SMC5: variants seen among roughly 807,000 people sequenced by gnomAD.
SMC5 encodes structural maintenance of chromosomes 5, also known as structural maintenance of chromosomes protein 5.
In SMC5, 88 loss-of-function variants were observed where a neutral mutation model predicts 148.3. The ratio of observed to expected loss-of-function variants is 0.59; its 90% CI spans 0.50 to 0.71. The LOEUF is 0.71. Ranked by LOEUF, SMC5 falls within the 30% of genes least tolerant of loss-of-function variation. SMC5 has a pLI of 0.00. For synonymous variants in SMC5, 421 were observed against 432.8 expected, an observed-to-expected ratio of 0.97 and a Z score of 0.34; for missense variants, 1,142 against 1,298.9, an observed-to-expected ratio of 0.88 and a Z score of 1.86.
intron 17 of SMC5, among the ~76,000 whole-genome samples, chr9:70,343,006 C>G (rs905723342): frequency 6.6e-6 from 1 of 152,170 alleles, no homozygotes; most frequent in African/African-American, 2.4e-5. Flanking sequence ...TACATACATA[C>G]TCTGTCCAAT....
In SMC5 at chr9:70,329,115, T is replaced by A. The variant is rs12237610; in HGVS notation, c.2397+4972T>A. On this transcript the variant is annotated intron_variant, in intron 17 of 24. Coordinates refer to ENST00000361138, the MANE Select transcript of SMC5 (RefSeq NM_015110.4). ...GTTTTCCCTCCTAGATCGCCAGGCC[T>A]GTGATGGGAGGGGCTGCTTCTGACA... Among the ~76,000 whole-genome samples, 120 of 152,340 alleles carry A rather than the reference T, an allele frequency of 7.9e-4. No individual in the cohort carries two copies. In the East Asian group the frequency reaches 0.022, roughly 28 times the overall value.
At chr9:70,277,025 T>C (rs779255521) in intron 3 of SMC5, among the ~76,000 whole-genome samples, 2 of 152,206 alleles carry the variant, frequency 1.3e-5, no homozygotes, top group Non-Finnish European at 2.9e-5. Flanking sequence ...ACTCCAGCTA[T>C]GTGACTCCTC....
intron 11 of SMC5, among the ~76,000 whole-genome samples, chr9:70,306,034 T>C (rs1310038520): frequency 1.3e-5 from 2 of 152,242 alleles, no homozygotes; most frequent in Non-Finnish European, 2.9e-5. Context: ...AAGGTACTTA[T>C]AGCAGTACTT....
intron 3 of SMC5, among the ~76,000 whole-genome samples, chr9:70,270,642 A>ATTTT (rs71364589): frequency 2.1e-4 from 22 of 103,788 alleles, no homozygotes; most frequent in East Asian, 6.0e-4. Context: ...AGACTAAATA[A>ATTTT]TTTTTTTTTT....
chr9:70,304,219 G>A (rs1383102327), intron 10 of SMC5, among the ~76,000 whole-genome samples: 1 of 152,088 alleles, frequency 6.6e-6, no homozygotes, highest in African/African-American at 2.4e-5. Context: ...CTCCCAGGTA[G>A]AGCCATCACA....
At chr9:70,341,991 A>G (rs550074589) in intron 17 of SMC5, among the ~76,000 whole-genome samples, 3 of 149,516 alleles carry the variant, frequency 2.0e-5, no homozygotes, top group East Asian at 2.0e-4. Context: ...AACCAACCCA[A>G]ATGTCCAACA....
intron 17 of SMC5, among the ~76,000 whole-genome samples, chr9:70,333,684 T>A (rs560491416): frequency 1.3e-5 from 2 of 152,202 alleles, no homozygotes; most frequent in African/African-American, 4.8e-5. Flanking sequence ...TGAGCCGAGA[T>A]CATGTCACTG....
At chr9:70,282,735 C>G in intron 7 of SMC5, 152 bp downstream of exon 7, 1 of 729,092 alleles carries the variant, frequency 1.4e-6, no homozygotes, top group Non-Finnish European at 2.1e-6. Context: ...ATAGGATTTT[C>G]AAGGACATAC....
In SMC5 at chr9:70,347,626, A is replaced by G. The variant is rs140830744; in HGVS notation, c.2678A>G (p.Tyr893Cys). 1.0e-5 allele frequency: 16 copies of G among 1,561,206 alleles called. No individual in the cohort carries two copies. Among genetic ancestry groups the G allele is most frequent in the African/African-American group, 1.4e-5 (1 of 72,172 alleles). ...TGLNPTIVQE[Y>C]TKREEEIEQL... Reference sequence around the variant, plus strand: ...TTCCCCTGCCAGATTGTTCAGGAATATACAAAAAGAGAAGAAGAAATAGAA... The same window carrying G: ...TTCCCCTGCCAGATTGTTCAGGAATGTACAAAAAGAGAAGAAGAAATAGAA... Residue 893 changes from tyrosine (Y) to cysteine (C), a missense_variant, in exon 21 of 25, where the codon TAT (tyrosine) becomes TGT (cysteine). Coordinates refer to ENST00000361138, the MANE Select transcript of SMC5 (RefSeq NM_015110.4).
chr9:70,276,931 C>T (rs1306205779), intron 3 of SMC5, among the ~76,000 whole-genome samples: 1 of 152,110 alleles, frequency 6.6e-6, no homozygotes, highest in Non-Finnish European at 1.5e-5. Flanking sequence ...GGTTTAACTG[C>T]TCTACCCTTT....
chr9:70,260,337 C>T (rs1351235930), intron 1 of SMC5, among the ~76,000 whole-genome samples: 4 of 152,238 alleles, frequency 2.6e-5, no homozygotes, highest in African/African-American at 7.2e-5. Flanking sequence ...GAACTTTTGA[C>T]CTCAGGTGAT....
In SMC5 at chr9:70,354,801, G is replaced by A. The variant is rs1458247159; in HGVS notation, c.*2470G>A. ...ATGTAATTTCATTCTGCTATTGTGT[G>A]TGCTTGTGTGTGTGTAATTGAAAAA... On this transcript the variant is annotated 3_prime_UTR_variant, in exon 25 of 25. Transcript: ENST00000361138. 1 of 152,184 alleles carries A rather than the reference G, an allele frequency of 6.6e-6. No individual in the cohort carries two copies. Among genetic ancestry groups the A allele is most frequent in the African/African-American group, 2.4e-5 (1 of 41,442 alleles). The allele number at this position is 152,184 out of a possible 1,614,324, so 9.4% of individuals were successfully genotyped here.
At position 70,263,300 on chromosome 9, in the gene SMC5, G is replaced by T. The variant is rs534940270; in HGVS notation, c.186-1004G>T. Among the ~76,000 whole-genome samples, 9 of 152,262 alleles carry T rather than the reference G, an allele frequency of 5.9e-5. No homozygotes were observed. The South Asian group carries it at 1.9e-3, about 32-fold the overall frequency. ...ATAAAGTAGTAGATGCTGTGTAGAG[G>T]TGTGGGATTAGCAAACCTGCCAGAA... On this transcript the variant is annotated intron_variant, in intron 1 of 24. Transcript: ENST00000361138.
Position 70,305,339 on chromosome 9 carries a change from T to TA in SMC5, c.1558dup (p.Met520AsnfsTer10). On this transcript the variant is annotated frameshift_variant, in exon 11 of 25. Coordinates refer to ENST00000361138, the MANE Select transcript of SMC5 (RefSeq NM_015110.4). LOFTEE classifies it high-confidence loss of function. The stretch of plus-strand genomic sequence containing the variant: ...CCTTTGTATTTGAAAGTCAAGAAGA[T>TA]ATGGAGGTTTTCCTCAAAGAGGCAA... 1 of 1,597,686 alleles carries TA rather than the reference T, an allele frequency of 6.3e-7. No homozygotes were observed. The highest frequency in any genetic ancestry group is 8.6e-7 in the Non-Finnish European group (1 of 1,168,624).
intron 17 of SMC5, among the ~76,000 whole-genome samples, chr9:70,332,539 AAAAAAG>A (rs2036245421): frequency 6.6e-6 from 1 of 151,812 alleles, no homozygotes; most frequent in Non-Finnish European, 1.5e-5. Context: ...AAAAAAAAAA[AAAAAAG>A]AATTAATACC....
chr9:70,346,449 C>T, intron 18 of SMC5, 156 bp from the exon 19 acceptor site: 1 of 747,244 alleles, frequency 1.3e-6, no homozygotes, highest in Non-Finnish European at 2.3e-6. Flanking sequence ...GTCCCCATGG[C>T]ATGGACTCAG....
At chr9:70,321,951 T>C (rs939621357) in intron 15 of SMC5, among the ~76,000 whole-genome samples, 21 of 152,206 alleles carry the variant, frequency 1.4e-4, no homozygotes, top group Non-Finnish European at 2.8e-4. Context: ...AAGATAGATA[T>C]TAGTGACATA....
At chr9:70,282,698 A>G in intron 7 of SMC5, 115 bp downstream of exon 7, 1 of 1,088,572 alleles carries the variant, frequency 9.2e-7, no homozygotes, top group Non-Finnish European at 1.3e-6. Context: ...TCATTTCTTA[A>G]GTTTTTTAAC....
At chr9:70,291,489 G>GC (rs1221543810) in intron 8 of SMC5, among the ~76,000 whole-genome samples, 3 of 152,146 alleles carry the variant, frequency 2.0e-5, no homozygotes, top group Non-Finnish European at 4.4e-5. Context: ...ATAGCCCTGG[G>GC]CATGCACACA....
Sources: allele counts gnomAD v4.1 joint callset (sites outside exome capture counted in the v4.1 genomes callset), GRCh38; gene constraint gnomAD v4.1.1; transcripts MANE v1.5; gene names NCBI Gene and HGNC (gene_info 2026-07-23, HGNC 2026-07-21).